The following BRINP3 variants were observed in gnomAD, a reference collection of about 807,000 sequenced individuals.
BRINP3 encodes BMP/retinoic acid inducible neural specific 3.
In BRINP3, 19 loss-of-function variants were observed where a neutral mutation model predicts 71.0. That is an observed-to-expected ratio of 0.27 (90% CI 0.19 to 0.39). BRINP3 has a LOEUF of 0.39. BRINP3 is among the 10% of genes least tolerant of loss of function. The probability of loss-of-function intolerance (pLI) is 1.00; values close to 1 mark genes in which losing one functional copy is unlikely to be tolerated. For missense variants in BRINP3, 959 were observed against 940.8 expected (o/e 1.02, Z -0.25); for synonymous variants, 380 against 337.7 (o/e 1.13, Z -1.37).
chr1:190,297,379 A>C (rs1466548582), intron 2 of BRINP3, among the ~76,000 whole-genome samples: 1 of 152,082 alleles, frequency 6.6e-6, no homozygotes, highest in Admixed American at 6.6e-5. Flanking sequence ...AAACTCAAAA[A>C]AGATTAAAGA....
chr1:190,147,363 T>C (rs1655979610), intron 7 of BRINP3, among the ~76,000 whole-genome samples: 1 of 152,132 alleles, frequency 6.6e-6, no homozygotes. Context: ...AAGAATAATT[T>C]ATTTCAGGAT....
chr1:190,312,971 A>T (rs962069604), intron 2 of BRINP3, among the ~76,000 whole-genome samples: 51 of 151,894 alleles, frequency 3.4e-4, no homozygotes, highest in African/African-American at 1.2e-3. Flanking sequence ...TCTTCAATGT[A>T]TCCTTATAAT....
At chr1:190,181,933 G>A (rs997854117) in intron 6 of BRINP3, among the ~76,000 whole-genome samples, 1 of 151,864 alleles carries the variant, frequency 6.6e-6, no homozygotes, top group African/African-American at 2.4e-5. Flanking sequence ...TCCTTCATTG[G>A]AAACCTACTA....
At chr1:190,304,701 G>A (rs997714008) in intron 2 of BRINP3, among the ~76,000 whole-genome samples, 4 of 151,910 alleles carry the variant, frequency 2.6e-5, no homozygotes, top group African/African-American at 9.7e-5. Flanking sequence ...TACTGGTCTA[G>A]GTTAGGATGT....
At chr1:190,117,077 A>G (rs563416818) in intron 7 of BRINP3, among the ~76,000 whole-genome samples, 5 of 152,172 alleles carry the variant, frequency 3.3e-5, no homozygotes, top group Non-Finnish European at 5.9e-5. Context: ...ATGCCTTTGC[A>G]GAATATAGAA....
chr1:190,268,597 G>GA (rs1441528688), intron 3 of BRINP3, among the ~76,000 whole-genome samples: 12 of 152,024 alleles, frequency 7.9e-5, no homozygotes, highest in African/African-American at 9.7e-5. Context: ...CACAGTGTCA[G>GA]AAAAAACACT....
intron 2 of BRINP3, 23 bp from the exon 3 acceptor site, chr1:190,281,773 T>C: frequency 6.3e-7 from 1 of 1,597,028 alleles, no homozygotes; most frequent in Non-Finnish European, 8.5e-7. Flanking sequence ...TTTATTTTTA[T>C]TCATAAATGC....
intron 7 of BRINP3, among the ~76,000 whole-genome samples, chr1:190,148,889 T>A (rs1397936920): frequency 6.6e-6 from 1 of 152,192 alleles, no homozygotes; most frequent in African/African-American, 2.4e-5. Context: ...CTAGGACACC[T>A]TCTTTAACAA....
intron 3 of BRINP3, among the ~76,000 whole-genome samples, chr1:190,276,820 T>C (rs1479245266): frequency 6.6e-6 from 1 of 151,180 alleles, no homozygotes; most frequent in African/African-American, 2.4e-5. Flanking sequence ...TAAAAAATGC[T>C]TAAGTTTAGC....
intron 4 of BRINP3, among the ~76,000 whole-genome samples, chr1:190,249,321 C>A (rs1659904880): frequency 6.6e-6 from 1 of 151,786 alleles, no homozygotes; most frequent in South Asian, 2.1e-4. Context: ...AAATTGTAGA[C>A]CTCCAGACAC....
At chr1:190,230,615 A>T (rs1328340661) in intron 5 of BRINP3, among the ~76,000 whole-genome samples, 3 of 151,890 alleles carry the variant, frequency 2.0e-5, no homozygotes, top group African/African-American at 7.2e-5. Context: ...TTTAAAAATA[A>T]AATTTGAACA....
chr1:190,178,324 C>G (rs1652732497), intron 6 of BRINP3, among the ~76,000 whole-genome samples: 2 of 151,956 alleles, frequency 1.3e-5, no homozygotes, highest in Admixed American at 1.3e-4. Flanking sequence ...AACTCATCTC[C>G]CTTTCAATAT....
intron 2 of BRINP3, among the ~76,000 whole-genome samples, chr1:190,399,089 T>C (rs1671764151): frequency 6.6e-6 from 1 of 152,010 alleles, no homozygotes; most frequent in Non-Finnish European, 1.5e-5. Context: ...CATTGATGTA[T>C]TTTTGTGCTT....
intron 2 of BRINP3, among the ~76,000 whole-genome samples, chr1:190,320,978 C>T (rs1408876845): frequency 6.6e-6 from 1 of 151,734 alleles, no homozygotes; most frequent in Non-Finnish European, 1.5e-5. Context: ...CACACACACA[C>T]GTATGTATAT....
chr1:190,144,772 C>A (rs921794335), intron 7 of BRINP3, among the ~76,000 whole-genome samples: 1 of 152,048 alleles, frequency 6.6e-6, no homozygotes, highest in African/African-American at 2.4e-5. Context: ...CCCAATAACT[C>A]TTTGACTATG....
chr1:190,108,414 T>G (rs1419594367), intron 7 of BRINP3, among the ~76,000 whole-genome samples: 1 of 151,836 alleles, frequency 6.6e-6, no homozygotes, highest in African/African-American at 2.4e-5. Flanking sequence ...ATTCATAACT[T>G]TAAAAGTCGG....
intron 7 of BRINP3, among the ~76,000 whole-genome samples, chr1:190,142,551 A>G (rs1386046666): frequency 6.6e-6 from 1 of 151,986 alleles, no homozygotes; most frequent in Non-Finnish European, 1.5e-5. Flanking sequence ...AATGCCAGGT[A>G]CAAAGGTATA....
At chr1:190,267,734 A>C (rs1444282159) in intron 3 of BRINP3, among the ~76,000 whole-genome samples, 1 of 152,064 alleles carries the variant, frequency 6.6e-6, no homozygotes, top group Non-Finnish European at 1.5e-5. Flanking sequence ...ATATAATAAA[A>C]CAGAGAATAG....
chr1:190,342,686 T>G (rs1345231957), intron 2 of BRINP3: 1 of 151,726 alleles, frequency 6.6e-6, no homozygotes, highest in African/African-American at 2.4e-5. Flanking sequence ...TTTGGGATTA[T>G]TCTCTTGCAG....
Sources: gnomAD v4.1 joint callset for allele counts (sites outside exome capture counted in the v4.1 genomes callset) on GRCh38, gnomAD v4.1.1 for gene constraint, MANE v1.5 for transcripts, NCBI Gene and HGNC (gene_info 2026-07-23, HGNC 2026-07-21) for gene names.